The following MAT1A variants were observed in gnomAD, a reference collection of about 807,000 sequenced individuals.
MAT1A encodes methionine adenosyltransferase 1A, also known as S-adenosylmethionine synthase isoform type-1.
MAT1A carries 19 observed loss-of-function variants against 44.0 expected under a neutral mutation model. The ratio of observed to expected loss-of-function variants is 0.43; its 90% CI spans 0.30 to 0.63. MAT1A has a LOEUF of 0.63. Among genes scored for constraint, MAT1A ranks in the 30% least tolerant of loss-of-function variants. MAT1A has a pLI of 0.12. For synonymous variants in MAT1A, 205 were observed against 205.6 expected (o/e 1.00, Z 0.03); for missense variants, 397 against 531.0 (o/e 0.75, Z 2.48).
intron 3 of MAT1A, among the ~76,000 whole-genome samples, 177 bp from the exon 4 acceptor site, chr10:80,280,969 C>T (rs1393178469): frequency 6.6e-6 from 1 of 152,138 alleles, no homozygotes; most frequent in African/African-American, 2.4e-5. Flanking sequence ...GGCCCCGCAC[C>T]TTCCCACCCT....
At chr10:80,278,921 T>C (rs1841524161) in intron 5 of MAT1A, among the ~76,000 whole-genome samples, 1 of 151,850 alleles carries the variant, frequency 6.6e-6, no homozygotes, top group Non-Finnish European at 1.5e-5. Context: ...GAAGGAGAGG[T>C]GAAGACCAGA....
intron 1 of MAT1A, among the ~76,000 whole-genome samples, chr10:80,286,020 C>T (rs911692031): frequency 1.1e-4 from 17 of 151,798 alleles, no homozygotes; most frequent in African/African-American, 9.7e-5. Context: ...GTAGAGATGG[C>T]GTTTCACCAT....
rs760413721 is a variant in MAT1A, at chr10:80,280,725, G to A, written c.360C>T (p.Cys120=). 23 of 1,614,020 alleles carry A rather than the reference G, an allele frequency of 1.4e-5. No individual in the cohort carries two copies. The highest frequency in any genetic ancestry group is 5.0e-5 in the Admixed American group (3 of 59,992). Residue 120 remains cysteine, a synonymous_variant, in exon 4 of 9, where the codon TGC becomes TGT. Coordinates refer to ENST00000372213, the MANE Select transcript of MAT1A (RefSeq NM_000429.3). ...CCTCCTCATTTCTGTCCAGATGGAC[G>A]CACTGGGCAATATCTGGGGATTGCT... ...LEQQSPDIAQ[C]VHLDRNEEDV...
At position 80,273,438 on chromosome 10, in the gene MAT1A, G is replaced by A. The variant is rs1841436537; in HGVS notation, c.*343C>T. On this transcript the variant is annotated 3_prime_UTR_variant, in exon 9 of 9. Transcript: ENST00000372213. ...TGCTGACCTCACCTGGCACAGGCAAGGGGAGGGAGGGGGAGCTGGTCAGGG... is the reference window on the plus strand; with the variant it reads ...TGCTGACCTCACCTGGCACAGGCAAAGGGAGGGAGGGGGAGCTGGTCAGGG... 1 of 348,112 alleles carries A rather than the reference G, an allele frequency of 2.9e-6. No individual in the cohort carries two copies. Among genetic ancestry groups the A allele is most frequent in the South Asian group, 2.4e-5 (1 of 42,448 alleles). 21.6% of individuals were successfully genotyped at this position (348,112 alleles called of 1,614,324 possible).
intron 1 of MAT1A, among the ~76,000 whole-genome samples, chr10:80,287,944 A>C (rs1031943454): frequency 3.5e-4 from 54 of 152,274 alleles, no homozygotes; most frequent in African/African-American, 1.2e-3. Context: ...CCTGACCTCT[A>C]CTCAATACAT....
At chr10:80,286,364 C>T (rs1841650537) in intron 1 of MAT1A, among the ~76,000 whole-genome samples, 1 of 152,090 alleles carries the variant, frequency 6.6e-6, no homozygotes, top group Non-Finnish European at 1.5e-5. Flanking sequence ...ATGCAATGCA[C>T]CGTATATAAA....
intron 3 of MAT1A, 105 bp from the exon 4 acceptor site, chr10:80,280,897 G>A (rs79072717): frequency 5.5e-4 from 461 of 840,762 alleles, no homozygotes; most frequent in Non-Finnish European, 8.3e-4. Context: ...TGGTGTCAGC[G>A]TGGGGGTTCC....
At chr10:80,287,345 A>G (rs1351233975) in intron 1 of MAT1A, among the ~76,000 whole-genome samples, 1 of 152,204 alleles carries the variant, frequency 6.6e-6, no homozygotes, top group Non-Finnish European at 1.5e-5. Flanking sequence ...TAGGCTTAAG[A>G]TAGCCAATAG....
intron 5 of MAT1A, among the ~76,000 whole-genome samples, chr10:80,277,766 A>G (rs1841511243): frequency 6.6e-6 from 1 of 152,216 alleles, no homozygotes; most frequent in Non-Finnish European, 1.5e-5. Flanking sequence ...GCCTTGCAGA[A>G]CTGCAGAATA....
At chr10:80,279,061 C>A (rs1376099412) in intron 5 of MAT1A, among the ~76,000 whole-genome samples, 1 of 152,092 alleles carries the variant, frequency 6.6e-6, no homozygotes, top group Non-Finnish European at 1.5e-5. Flanking sequence ...GTTGTGAATG[C>A]CAGAATAATA....
chr10:80,280,632 T>C, intron 4 of MAT1A, 48 bp downstream of exon 4: 1 of 1,525,654 alleles, frequency 6.6e-7, no homozygotes, highest in Non-Finnish European at 9.1e-7. Flanking sequence ...GCTCATGAAC[T>C]TTCCCAGCCA....
intron 3 of MAT1A, among the ~76,000 whole-genome samples, chr10:80,281,330 C>T (rs1841563960): frequency 6.6e-6 from 1 of 152,182 alleles, no homozygotes; most frequent in Non-Finnish European, 1.5e-5. Flanking sequence ...AGCCAGGGTC[C>T]TCTGACCCTG....
At chr10:80,282,944 G>A (rs562485286) in intron 3 of MAT1A, among the ~76,000 whole-genome samples, 1 of 152,334 alleles carries the variant, frequency 6.6e-6, no homozygotes, top group South Asian at 2.1e-4. Context: ...CAGGTGTATA[G>A]CTAGGCAGGA....
intron 1 of MAT1A, 45 bp downstream of exon 1, chr10:80,289,288 G>A (rs768505352): frequency 4.7e-5 from 71 of 1,496,306 alleles, no homozygotes; most frequent in Non-Finnish European, 6.4e-5. Flanking sequence ...CTCAGTATAG[G>A]CTTGGAATGA....
intron 5 of MAT1A, among the ~76,000 whole-genome samples, chr10:80,279,891 G>A (rs1056167350): frequency 6.6e-6 from 1 of 150,782 alleles, no homozygotes; most frequent in Admixed American, 6.6e-5. Context: ...TTTGTGGCAG[G>A]ATTTGGGGAC....
intron 5 of MAT1A, among the ~76,000 whole-genome samples, chr10:80,279,240 C>T (rs558477830): frequency 6.6e-6 from 1 of 152,144 alleles, no homozygotes; most frequent in Admixed American, 6.5e-5. Context: ...TGATGGCAGC[C>T]CTGGGGAAGG....
chr10:80,276,921 T>TC (rs1841496244), intron 5 of MAT1A, among the ~76,000 whole-genome samples: 1 of 152,120 alleles, frequency 6.6e-6, no homozygotes, highest in Non-Finnish European at 1.5e-5. Flanking sequence ...CCAGCAAATG[T>TC]CCCCCTGGCC....
intron 7 of MAT1A, 101 bp from the exon 8 acceptor site, chr10:80,274,754 G>A (rs1841459539): frequency 6.6e-7 from 1 of 1,510,196 alleles, no homozygotes; most frequent in East Asian, 2.3e-5. Context: ...GGGACCACAT[G>A]CCTCTTGCCC....
chr10:80,284,176 G>T, intron 2 of MAT1A, 138 bp from the exon 3 acceptor site: 1 of 1,129,392 alleles, frequency 8.9e-7, no homozygotes, highest in Non-Finnish European at 1.3e-6. Flanking sequence ...AAGGAAAATA[G>T]AAACGCCAAT....
Sources: gnomAD v4.1 joint callset for allele counts (sites outside exome capture counted in the v4.1 genomes callset) on GRCh38, gnomAD v4.1.1 for gene constraint, MANE v1.5 for transcripts, NCBI Gene and HGNC (gene_info 2026-07-23, HGNC 2026-07-21) for gene names.